The following AZIN2 variants were observed in gnomAD, a reference collection of about 807,000 sequenced individuals.
The protein encoded by AZIN2 is antizyme inhibitor 2.
AZIN2 carries 28 observed loss-of-function variants against 47.8 expected under a neutral mutation model. The ratio of observed to expected loss-of-function variants is 0.59; its 90% confidence interval spans 0.43 to 0.80. The LOEUF (loss-of-function observed/expected upper bound fraction) is 0.80, where lower values mean the gene tolerates loss of function less well. AZIN2 is among the 30% of genes least tolerant of loss of function. The pLI, the probability that AZIN2 is intolerant of heterozygous loss-of-function variation, is 0.00. For synonymous variants in AZIN2, 221 were observed against 239.4 expected (o/e 0.92, Z 0.71); for missense variants, 535 against 582.5 (o/e 0.92, Z 0.84).
intron 10 of AZIN2, among the ~76,000 whole-genome samples, chr1:33,098,878 C>T (rs1255698852): frequency 2.0e-5 from 3 of 152,058 alleles, no homozygotes; most frequent in Non-Finnish European, 4.4e-5. Flanking sequence ...ATTCTCCTGC[C>T]TCAGCCTCCC....
At chr1:33,160,945 T>C in the AZIN2 span, among the ~76,000 whole-genome samples, 1 of 152,208 alleles carries the variant, frequency 6.6e-6, no homozygotes, top group East Asian at 1.9e-4. Context: ...CCAAGGGCAC[T>C]GTGAGGCTCA....
chr1:33,155,502 C>T, the AZIN2 span, among the ~76,000 whole-genome samples: 1 of 152,110 alleles, frequency 6.6e-6, no homozygotes, highest in Non-Finnish European at 1.5e-5. Context: ...GAGCCTTGGT[C>T]TCCCCAGCCT....
At chr1:33,134,312 C>T in the AZIN2 span, among the ~76,000 whole-genome samples, 4 of 152,214 alleles carry the variant, frequency 2.6e-5, no homozygotes, top group South Asian at 2.1e-4. Flanking sequence ...CTGAGGCTAT[C>T]GTGGTGAAGT....
the AZIN2 span, among the ~76,000 whole-genome samples, chr1:33,152,456 A>G: frequency 6.6e-6 from 1 of 152,120 alleles, no homozygotes; most frequent in South Asian, 2.1e-4. Context: ...AATCCCAGCT[A>G]CTTGGGAGGC....
intron 5 of AZIN2, among the ~76,000 whole-genome samples, chr1:33,091,331 C>T (rs1407213806): frequency 6.6e-6 from 1 of 152,178 alleles, no homozygotes; most frequent in Non-Finnish European, 1.5e-5. Flanking sequence ...CCTCCGCCTC[C>T]TGGGTTCAAG....
chr1:33,083,869 G>T, intron 4 of AZIN2, 85 bp from the exon 5 acceptor site: 2 of 1,531,456 alleles, frequency 1.3e-6, no homozygotes, highest in Non-Finnish European at 1.8e-6. Context: ...CTGAACCTGG[G>T]TCAGGTACTT....
chr1:33,138,474 A>G, the AZIN2 span, among the ~76,000 whole-genome samples: 1 of 152,098 alleles, frequency 6.6e-6, no homozygotes, highest in African/African-American at 2.4e-5. Flanking sequence ...GAGCCTAGGC[A>G]ACATAGCGAG....
chr1:33,158,435 G>A, the AZIN2 span: 29 of 1,320,594 alleles, frequency 2.2e-5, no homozygotes, highest in South Asian at 8.3e-5. Flanking sequence ...CAGGGGCCCC[G>A]CAGCCACCTT....
chr1:33,128,790 C>G, the AZIN2 span, among the ~76,000 whole-genome samples: 2 of 152,180 alleles, frequency 1.3e-5, no homozygotes, highest in African/African-American at 4.8e-5. Context: ...CTTCAAGATC[C>G]ACCTCCTACT....
chr1:33,165,277 G>A, the AZIN2 span: 1 of 498,716 alleles, frequency 2.0e-6, no homozygotes, highest in East Asian at 3.4e-5. The surrounding 1 kb of genome is among the most constrained non-coding windows in gnomAD (Gnocchi z 4.0). Context: ...TGATGGGGTG[G>A]GTGCCGCCCC....
chr1:33,090,962 C>A (rs574499057), intron 5 of AZIN2, among the ~76,000 whole-genome samples: 2 of 152,272 alleles, frequency 1.3e-5, no homozygotes, highest in Non-Finnish European at 1.5e-5. Context: ...TCTTTCTGTG[C>A]CTGGCTTATT....
chr1:33,143,555 T>G, the AZIN2 span, among the ~76,000 whole-genome samples: 2 of 152,242 alleles, frequency 1.3e-5, no homozygotes, highest in East Asian at 3.9e-4. Context: ...CACCCACCCC[T>G]GCCAACAGCC....
chr1:33,088,114 A>G (rs1001449233), intron 5 of AZIN2, among the ~76,000 whole-genome samples: 2 of 152,004 alleles, frequency 1.3e-5, no homozygotes, highest in African/African-American at 4.8e-5. Context: ...ATCTCCTCCC[A>G]TGGCTTTAAA....
intron 10 of AZIN2, chr1:33,101,731 T>C: frequency 1.5e-6 from 1 of 650,964 alleles, no homozygotes; most frequent in South Asian, 1.8e-5. Flanking sequence ...CTAAATCTAT[T>C]CCTCGAGTGT....
chr1:33,086,678 G>A (rs1434316231), intron 5 of AZIN2, among the ~76,000 whole-genome samples: 3 of 152,174 alleles, frequency 2.0e-5, no homozygotes, highest in African/African-American at 7.2e-5. Context: ...GCTTGCTCGG[G>A]GACTCTGGTC....
intron 5 of AZIN2, among the ~76,000 whole-genome samples, chr1:33,085,811 A>G (rs992247225): frequency 1.3e-5 from 2 of 152,316 alleles, no homozygotes; most frequent in African/African-American, 4.8e-5. Context: ...TCTGTGAGGC[A>G]CACAGTGGGA....
chr1:33,102,471 C>G (rs898245252), intron 10 of AZIN2, among the ~76,000 whole-genome samples: 1 of 152,158 alleles, frequency 6.6e-6, no homozygotes, highest in African/African-American at 2.4e-5. Context: ...AAAGTCACTT[C>G]CACGCTGCTA....
intron 11 of AZIN2, chr1:33,118,412 G>A: frequency 3.4e-6 from 1 of 291,444 alleles, no homozygotes; most frequent in Non-Finnish European, 6.4e-6. Flanking sequence ...CTGAGGAAGT[G>A]GGAGTCAACT....
At position 33,084,032 on chromosome 1, in the gene AZIN2, C is replaced by T. The variant is rs767586881; in HGVS notation, c.184C>T (p.Arg62Ter). ...CTTTTGCTTTCTGAAGTGCCTGCCA[C>T]GAGTCCGGCCCTTTTATGCTGTCAA... ...KHFCFLKCLP[R>*]VRPFYAVKCN... Residue 62 changes from arginine (R) to a stop codon, truncating the protein, a stop_gained, in exon 5 of 12, where the codon CGA (arginine) becomes TGA (stop). Transcript: ENST00000294517. LOFTEE classifies it high-confidence loss of function. 27 of 1,614,044 alleles carry T rather than the reference C, an allele frequency of 1.7e-5. No homozygotes were observed. The highest frequency in any genetic ancestry group is 4.5e-5 in the East Asian group (2 of 44,898).
Sources: gnomAD v4.1 joint callset for allele counts (sites outside exome capture counted in the v4.1 genomes callset) on GRCh38, gnomAD v4.1.1 for gene constraint, Gnocchi (gnomAD v3.1) non-coding constraint, MANE v1.5 for transcripts, NCBI Gene and HGNC (gene_info 2026-07-23, HGNC 2026-07-21) for gene names.